Variants in CNIH3 observed in about 807,000 individuals in gnomAD.
The protein encoded by CNIH3 is cornichon family AMPA receptor auxiliary protein 3, also known as protein cornichon homolog 3.
A neutral mutation model predicts 24.1 loss-of-function variants in CNIH3; 14 were observed. The ratio of observed to expected loss-of-function variants is 0.58; its 90% CI spans 0.38 to 0.91. CNIH3 has a LOEUF of 0.91. Among genes scored for constraint, CNIH3 ranks in the 40% least tolerant of loss-of-function variants. The pLI is 0.00. For synonymous variants in CNIH3, 68 were observed against 73.8 expected, an observed-to-expected ratio of 0.92 and a Z score of 0.40; for missense variants, 178 against 196.8, an observed-to-expected ratio of 0.90 and a Z score of 0.57.
chr1:224,594,972 T>C (rs1277463082), intron 3 of CNIH3, among the ~76,000 whole-genome samples: 4 of 152,262 alleles, frequency 2.6e-5, no homozygotes, highest in African/African-American at 4.8e-5. Flanking sequence ...TGAAGGTTCA[T>C]GAGAACCTTG....
chr1:224,509,777 C>G (rs565537897), intron 1 of CNIH3, among the ~76,000 whole-genome samples: 2 of 152,352 alleles, frequency 1.3e-5, no homozygotes, highest in African/African-American at 2.4e-5. Context: ...CTGTGCCCCC[C>G]TCGCCTGAAG....
rs754932054 is a variant in CNIH3 at position 224,734,578 on chromosome 1, A to G, written c.327A>G (p.Pro109=). The change falls in exon 5 of 6, where the codon CCA becomes CCG. Residue 109 remains proline, a synonymous_variant. Transcript: ENST00000272133. ...CTCCCTGCAGGTATTTCCACTGTCC[A>G]GCAGATAGCTCAGAACTAGCCTACG... The part of the protein sequence containing the change: ...FYHFWRYFHC[P]ADSSELAYDP... 4 of 1,614,232 alleles carry G rather than the reference A, an allele frequency of 2.5e-6. No homozygotes were observed. Among genetic ancestry groups the G allele is most frequent in the Non-Finnish European group, 3.4e-6 (4 of 1,180,044 alleles).
chr1:224,505,037 C>CCTTT (rs1677849792), intron 1 of CNIH3, among the ~76,000 whole-genome samples: 1 of 100,338 alleles, frequency 1.0e-5, no homozygotes, highest in Non-Finnish European at 2.1e-5. Flanking sequence ...TCCCTCCCTT[C>CCTTT]CTTCCTTCCT....
chr1:224,535,040 TG>T (rs1411197029), intron 2 of CNIH3, among the ~76,000 whole-genome samples: 11 of 152,262 alleles, frequency 7.2e-5, no homozygotes, highest in Non-Finnish European at 1.6e-4. Context: ...GAATTGTGTC[TG>T]CCCCCAAAAA....
chr1:224,594,888 T>C lies in CNIH3; in HGVS notation n.402+28624T>C, dbSNP rs75776376. Reference sequence around the variant, plus strand: ...GATAAACATCAAAATATACTGAAAATAAAAATATAAGCACACATTGTTTTA... The same window carrying C: ...GATAAACATCAAAATATACTGAAAACAAAAATATAAGCACACATTGTTTTA... On this transcript the variant is annotated intron_variant and non_coding_transcript_variant, in intron 3 of 7. Coordinates refer to the CNIH3 transcript ENST00000478120. 1.4e-4 allele frequency among the ~76,000 whole-genome samples: 21 copies of C among 152,324 alleles called. 1 individual carries two copies. The East Asian group carries it at 3.7e-3, about 27-fold the overall frequency.
chr1:224,603,020 T>G (rs956519747), intron 3 of CNIH3, among the ~76,000 whole-genome samples: 1 of 152,200 alleles, frequency 6.6e-6, no homozygotes, highest in African/African-American at 2.4e-5. Flanking sequence ...CTGTGAGCTA[T>G]GCTTTTTTCC....
intron 1 of CNIH3, among the ~76,000 whole-genome samples, chr1:224,450,623 A>G (rs1428524823): frequency 1.3e-5 from 2 of 152,210 alleles, no homozygotes; most frequent in Non-Finnish European, 2.9e-5. Context: ...GGGAGATAGA[A>G]CCGAAGGGAG....
chr1:224,699,545 C>T (rs945216632), intron 3 of CNIH3, among the ~76,000 whole-genome samples: 4 of 152,196 alleles, frequency 2.6e-5, no homozygotes, highest in Admixed American at 1.3e-4. Context: ...TGGCCACCTT[C>T]TCACTGTCTC....
chr1:224,655,228 T>C (rs1260213353), intron 1 of CNIH3, among the ~76,000 whole-genome samples: 2 of 152,242 alleles, frequency 1.3e-5, no homozygotes, highest in East Asian at 3.9e-4. Context: ...GTAGAGACAC[T>C]GTGAAGCCAC....
intron 1 of CNIH3, among the ~76,000 whole-genome samples, chr1:224,641,649 A>G (rs1337783122): frequency 6.6e-6 from 1 of 152,228 alleles, no homozygotes; most frequent in Non-Finnish European, 1.5e-5. Context: ...GCCTCTGCCT[A>G]GGCAGCTCTA....
At chr1:224,441,547 T>C (rs1274604905) in intron 1 of CNIH3, among the ~76,000 whole-genome samples, 1 of 152,120 alleles carries the variant, frequency 6.6e-6, no homozygotes. Context: ...GTTTCGAATG[T>C]GTTGTTCATC....
At chr1:224,459,499 C>T (rs1045223861) in intron 1 of CNIH3, among the ~76,000 whole-genome samples, 7 of 152,176 alleles carry the variant, frequency 4.6e-5, no homozygotes, top group African/African-American at 9.7e-5. Flanking sequence ...GAAATAACAA[C>T]TTCTATCTTG....
intron 3 of CNIH3, among the ~76,000 whole-genome samples, chr1:224,556,800 C>A (rs1012917869): frequency 1.3e-5 from 2 of 152,170 alleles, no homozygotes; most frequent in East Asian, 3.9e-4. Flanking sequence ...CGCCACGGAC[C>A]GGTACCAGTC....
chr1:224,559,766 T>C (rs1490752735), intron 3 of CNIH3, among the ~76,000 whole-genome samples: 1 of 152,166 alleles, frequency 6.6e-6, no homozygotes, highest in African/African-American at 2.4e-5. Flanking sequence ...TTTTTTGAAT[T>C]ATTATAAAGC....
At chr1:224,608,790 A>T (rs1400906124) in intron 3 of CNIH3, among the ~76,000 whole-genome samples, 1 of 152,212 alleles carries the variant, frequency 6.6e-6, no homozygotes, top group African/African-American at 2.4e-5. Context: ...CCACATGCAC[A>T]GTGGCCTGCC....
chr1:224,678,042 G>A (rs928753850), intron 1 of CNIH3, among the ~76,000 whole-genome samples: 1 of 152,190 alleles, frequency 6.6e-6, no homozygotes, highest in African/African-American at 2.4e-5. Context: ...GTCCCGCTTG[G>A]TCTACATTTA....
intron 4 of CNIH3, among the ~76,000 whole-genome samples, chr1:224,571,550 C>A (rs929156204): frequency 1.3e-5 from 2 of 151,930 alleles, no homozygotes; most frequent in African/African-American, 2.4e-5. Flanking sequence ...CATGATGAAA[C>A]CCCGTCTCTA....
chr1:224,445,234 G>A (rs927668700), intron 1 of CNIH3, among the ~76,000 whole-genome samples: 2 of 151,944 alleles, frequency 1.3e-5, no homozygotes, highest in African/African-American at 4.8e-5. Flanking sequence ...GTTTTCTTTT[G>A]TGAAGTGCCT....
intron 1 of CNIH3, among the ~76,000 whole-genome samples, chr1:224,494,271 C>T (rs1472205279): frequency 6.6e-6 from 1 of 152,224 alleles, no homozygotes; most frequent in Non-Finnish European, 1.5e-5. Context: ...CACAGAGCCT[C>T]TCAACGTGCT....
Sources: gnomAD v4.1 joint callset for allele counts (sites outside exome capture counted in the v4.1 genomes callset) on GRCh38, gnomAD v4.1.1 for gene constraint, MANE v1.5 for transcripts, NCBI Gene and HGNC (gene_info 2026-07-23, HGNC 2026-07-21) for gene names.